Variants in TTLL10 observed in about 807,000 individuals in gnomAD.
TTLL10 encodes the protein tubulin tyrosine ligase like 10, also known as inactive polyglycylase TTLL10.
Under a neutral mutation model 69.0 loss-of-function variants are expected in TTLL10, and 61 were observed. The observed-to-expected ratio is 0.88, with a 90% CI of 0.72 to 1.09. The LOEUF is 1.09. Among genes scored for constraint, TTLL10 ranks in the 50% least tolerant of loss-of-function variants. The pLI is 0.00. For synonymous variants in TTLL10, 408 were observed against 393.3 expected (o/e 1.04, Z -0.44); for missense variants, 962 against 945.9 (o/e 1.02, Z -0.22).
At chr1:1,180,457 GTCA>G in intron 6 of TTLL10, 23 bp from the exon 7 acceptor site, 2 of 1,520,742 alleles carry the variant, frequency 1.3e-6, no homozygotes, top group East Asian at 2.5e-5. Flanking sequence ...CGGCCCCCAG[GTCA>G]CCCCCGCCCC....
intron 4 of TTLL10, 90 bp from the exon 5 acceptor site, chr1:1,179,566 CT>C: frequency 6.5e-7 from 1 of 1,530,554 alleles, no homozygotes; most frequent in Non-Finnish European, 8.8e-7. Context: ...GGCACCACCC[CT>C]GGAAGGGCAG....
chr1:1,196,853 T>C, intron 14 of TTLL10, 137 bp downstream of exon 14: 1 of 777,912 alleles, frequency 1.3e-6, no homozygotes, highest in Non-Finnish European at 2.2e-6. Context: ...GCCCTGGGGA[T>C]GGGTGTATCC....
At chr1:1,179,595 T>C in intron 4 of TTLL10, 62 bp from the exon 5 acceptor site, 2 of 1,547,530 alleles carry the variant, frequency 1.3e-6, no homozygotes, top group Non-Finnish European at 1.7e-6. Flanking sequence ...TCTCCCGGCC[T>C]GACAATGGCC....
intron 12 of TTLL10, among the ~76,000 whole-genome samples, chr1:1,184,456 T>C (rs531204775): frequency 1.3e-5 from 2 of 152,316 alleles, no homozygotes; most frequent in African/African-American, 2.4e-5. Context: ...GGAGGGGCCC[T>C]GTGGGCAGAG....
At chr1:1,197,271 C>A in intron 15 of TTLL10, 85 bp downstream of exon 15, 2 of 1,385,856 alleles carry the variant, frequency 1.4e-6, no homozygotes, top group South Asian at 2.5e-5. Context: ...TTCAGACCCC[C>A]ACAGATGGGG....
chr1:1,178,543 A>G (rs1180134450), intron 3 of TTLL10, among the ~76,000 whole-genome samples: 1 of 151,742 alleles, frequency 6.6e-6, no homozygotes, highest in Non-Finnish European at 1.5e-5. Flanking sequence ...CCTGGGCCAC[A>G]AGAATGAAGC....
At position 1,180,546 on chromosome 1, in the gene TTLL10, C is replaced by A. The variant is rs745494777; in HGVS notation, c.570C>A (p.Tyr190Ter). The change falls in exon 7 of 16, where the codon TAC (tyrosine) becomes TAA (stop). Residue 190 changes from tyrosine to a stop codon, truncating the protein, a stop_gained. Coordinates refer to ENST00000379289, the MANE Select transcript of TTLL10 (RefSeq NM_001130045.2). LOFTEE classifies it high-confidence loss of function. ...QRIHDSRRDD[Y>*]TLKWCEVKSR... is the part of the protein sequence containing the mutation. ...TCCATGACAGCCGCCGGGACGACTA[C>A]ACGCTGAAGTGGTGTGAGGTCAAGA... The A allele has an allele frequency of 4.9e-5, 76 of 1,552,692 alleles. No homozygotes were observed. The highest frequency in any genetic ancestry group is 6.3e-5 in the Non-Finnish European group (72 of 1,147,844).
chr1:1,179,885 A>G, intron 5 of TTLL10, 148 bp downstream of exon 5: 2 of 1,438,476 alleles, frequency 1.4e-6, no homozygotes, highest in Non-Finnish European at 1.8e-6. Context: ...TGGTGGGGCC[A>G]GAGCTCGGGC....
intron 2 of TTLL10, 47 bp from the exon 3 acceptor site, chr1:1,174,377 C>T (rs190459665): frequency 6.5e-6 from 1 of 152,684 alleles, no homozygotes; most frequent in African/African-American, 2.4e-5. Flanking sequence ...GGGGAGAACT[C>T]GCAGCAGGAC....
intron 12 of TTLL10, among the ~76,000 whole-genome samples, chr1:1,184,668 AG>A (rs1427668595): frequency 3.3e-5 from 5 of 152,074 alleles, no homozygotes; most frequent in African/African-American, 1.2e-4. Context: ...CTTCTAGGTT[AG>A]GGGGATGTTC....
chr1:1,180,783 CG>C lies in TTLL10; in HGVS notation c.681del (p.Leu228CysfsTer12). On this transcript the variant is annotated frameshift_variant, in exon 8 of 16. Transcript: ENST00000379289. LOFTEE classifies it high-confidence loss of function. ...ACAACAAGCTCCTCACCACCAAGAT[CG>C]GGCTGCTCAGCACCCTTCGGGGACG... is the stretch of plus-strand genomic sequence containing the variant. ...PNNKLLTTKIGLLSTLRGRAR... is the reference protein window; with the variant it reads ...PNNKLLTTKIXLLSTLRGRAR... 1 of 1,607,898 alleles carries C rather than the reference CG, an allele frequency of 6.2e-7. No individual in the cohort carries two copies. The highest frequency in any genetic ancestry group is 8.5e-7 in the Non-Finnish European group (1 of 1,177,704).
chr1:1,185,465 C>G lies in TTLL10; in HGVS notation c.1401+356C>G, dbSNP rs1445794215. 9.2e-7 allele frequency: 1 copy of G among 1,084,898 alleles called. No individual in the cohort carries two copies. Among genetic ancestry groups the G allele is most frequent in the Non-Finnish European group, 1.1e-6 (1 of 893,968 alleles). 67.2% of individuals were successfully genotyped at this position (1,084,898 alleles called of 1,614,324 possible). A position where few individuals can be genotyped will look rare whatever the true frequency, so the allele number is the denominator to read the frequency against. ...ACTTGGCAGGCAGGGCCAACAGCAG[C>G]CCCCGGGCCAGGTGTCCTGGAGCAG... On this transcript the variant is annotated intron_variant, in intron 13 of 15. Coordinates refer to ENST00000379289, the MANE Select transcript of TTLL10 (RefSeq NM_001130045.2). The surrounding 1 kb of genome is among the most constrained non-coding windows in gnomAD (Gnocchi z 6.1).
chr1:1,180,457 GT>G, intron 6 of TTLL10, 25 bp from the exon 7 acceptor site: 3 of 1,520,738 alleles, frequency 2.0e-6, no homozygotes, highest in Admixed American at 2.0e-5. Flanking sequence ...CGGCCCCCAG[GT>G]CACCCCCGCC....
chr1:1,197,384 C>A lies in TTLL10; in HGVS notation c.1613-54C>A, dbSNP rs1293335585. 4.3e-6 allele frequency: 4 copies of A among 932,046 alleles called. No individual in the cohort carries two copies. In the African/African-American group the frequency reaches 5.1e-5, roughly 12 times the overall value. 57.7% of individuals were successfully genotyped at this position (932,046 alleles called of 1,614,324 possible). On this transcript the variant is annotated intron_variant, in intron 15 of 15. Transcript: ENST00000379289. ...CCCACCCCTCACACCCTCCCCACCCCCTCCAGCCCCAGCCTCTGCCCCCCA... is the reference window on the plus strand; with the variant it reads ...CCCACCCCTCACACCCTCCCCACCCACTCCAGCCCCAGCCTCTGCCCCCCA...
intron 4 of TTLL10, 153 bp downstream of exon 4, chr1:1,179,486 C>A: frequency 7.8e-7 from 1 of 1,282,396 alleles, no homozygotes. Flanking sequence ...GAGGGGCCAG[C>A]TGTGGGCGCC....
intron 3 of TTLL10, among the ~76,000 whole-genome samples, chr1:1,176,920 C>T (rs1442693495): frequency 1.3e-5 from 2 of 152,200 alleles, no homozygotes; most frequent in African/African-American, 4.8e-5. Flanking sequence ...CTGAGGGGTC[C>T]TGTCTCCATC....
chr1:1,179,900 C>G, intron 5 of TTLL10, 134 bp from the exon 6 acceptor site: 1 of 1,437,558 alleles, frequency 7.0e-7, no homozygotes, highest in Non-Finnish European at 9.1e-7. Context: ...TCGGGCTGAA[C>G]TTGAGCCCCA....
At chr1:1,179,524 T>C in intron 4 of TTLL10, 133 bp from the exon 5 acceptor site, 3 of 1,436,146 alleles carry the variant, frequency 2.1e-6, no homozygotes, top group Non-Finnish European at 2.8e-6. Flanking sequence ...AGGGGAGCTG[T>C]CGCGCTCCGC....
chr1:1,176,915 G>A (rs1182508662), intron 3 of TTLL10, among the ~76,000 whole-genome samples: 13 of 152,168 alleles, frequency 8.5e-5, no homozygotes, highest in Admixed American at 8.5e-4. Context: ...GCTCTCTGAG[G>A]GGTCCTGTCT....
Sources: gnomAD v4.1 joint callset for allele counts (sites outside exome capture counted in the v4.1 genomes callset) on GRCh38, gnomAD v4.1.1 for gene constraint, Gnocchi (gnomAD v3.1) non-coding constraint, MANE v1.5 for transcripts, NCBI Gene and HGNC (gene_info 2026-07-23, HGNC 2026-07-21) for gene names.